The following CIT variants were observed in gnomAD, a reference collection of about 807,000 sequenced individuals.
CIT encodes citron Rho-interacting kinase.
Under a neutral mutation model 272.7 loss-of-function variants are expected in CIT, and 79 were observed. The ratio of observed to expected loss-of-function variants is 0.29; its 90% CI spans 0.24 to 0.35. CIT has a LOEUF of 0.35. Among genes scored for constraint, CIT ranks in the 10% least tolerant of loss-of-function variants. The probability of loss-of-function intolerance (pLI) is 1.00; values close to 1 mark genes in which losing one functional copy is unlikely to be tolerated. For missense variants in CIT, 1,909 were observed against 2,618.3 expected, an observed-to-expected ratio of 0.73 and a Z score of 5.91; for synonymous variants, 948 against 995.6, an observed-to-expected ratio of 0.95 and a Z score of 0.90.
At chr12:119,865,776 A>G (rs1190346423) in intron 3 of CIT, among the ~76,000 whole-genome samples, 1 of 151,308 alleles carries the variant, frequency 6.6e-6, no homozygotes, top group Non-Finnish European at 1.5e-5. Flanking sequence ...AGGCTGAGGC[A>G]GGAGAATCAC....
intron 10 of CIT, among the ~76,000 whole-genome samples, chr12:119,793,588 T>G (rs1182061111): frequency 6.6e-6 from 1 of 152,254 alleles, no homozygotes; most frequent in Non-Finnish European, 1.5e-5. Context: ...ATGTTCCTTG[T>G]GTATCCTTAA....
chr12:119,692,054 T>C (rs1955981475), intron 46 of CIT, among the ~76,000 whole-genome samples: 2 of 152,212 alleles, frequency 1.3e-5, no homozygotes, highest in South Asian at 2.1e-4. Context: ...GAATGATTTG[T>C]TTTGTGCTAA....
intron 10 of CIT, among the ~76,000 whole-genome samples, chr12:119,796,102 T>C (rs1365512453): frequency 6.6e-6 from 1 of 152,114 alleles, no homozygotes; most frequent in South Asian, 2.1e-4. Flanking sequence ...AGTGATTCAG[T>C]AGGGGATGAG....
intron 29 of CIT, among the ~76,000 whole-genome samples, chr12:119,720,797 G>A (rs1231375634): frequency 6.6e-6 from 1 of 152,078 alleles, no homozygotes; most frequent in African/African-American, 2.4e-5. Context: ...AGTAAAAATA[G>A]CAACAGGTTC....
intron 10 of CIT, among the ~76,000 whole-genome samples, chr12:119,791,690 C>T (rs1345452410): frequency 6.6e-6 from 1 of 152,240 alleles, no homozygotes; most frequent in Non-Finnish European, 1.5e-5. Flanking sequence ...CACAGCAGTG[C>T]TGTCTCTTCG....
intron 28 of CIT, among the ~76,000 whole-genome samples, chr12:119,726,970 C>T (rs1360625002): frequency 1.3e-5 from 2 of 152,174 alleles, no homozygotes; most frequent in African/African-American, 2.4e-5. Flanking sequence ...TGTTCAAAAA[C>T]CTTCATGAAA....
rs75812746 is a variant in CIT at position 119,742,645 on chromosome 12, C to T, written c.2905-181G>A. ...ACACCAGAAATAAGTTACAGGAATA[C>T]ACAATGCTGTGTTAATAACAATTAA... On this transcript the variant is annotated intron_variant, in intron 23 of 47. Transcript: ENST00000392521. 5.3e-3 allele frequency: 2,814 copies of T among 535,476 alleles called. 61 individuals carry two copies. Among genetic ancestry groups the T allele is most frequent in the African/African-American group, 0.047 (2,441 of 52,196 alleles). 33.2% of individuals were successfully genotyped at this position (535,476 alleles called of 1,614,324 possible).
intron 24 of CIT, among the ~76,000 whole-genome samples, chr12:119,738,980 T>A (rs1958928280): frequency 6.6e-6 from 1 of 151,930 alleles, no homozygotes; most frequent in Non-Finnish European, 1.5e-5. Context: ...CTATCATGGT[T>A]CTGAGAAGAA....
At chr12:119,818,028 C>G (rs561537032) in intron 9 of CIT, among the ~76,000 whole-genome samples, 3 of 151,998 alleles carry the variant, frequency 2.0e-5, no homozygotes, top group Non-Finnish European at 4.4e-5. Context: ...AATATTATTA[C>G]TAATAACAAT....
At chr12:119,829,423 T>C (rs1272148309) in intron 7 of CIT, among the ~76,000 whole-genome samples, 2 of 133,506 alleles carry the variant, frequency 1.5e-5, no homozygotes, top group Non-Finnish European at 3.2e-5. Flanking sequence ...AATAAAACTA[T>C]TTAAACCTAA....
At chr12:119,733,359 G>A (rs964003909) in intron 26 of CIT, among the ~76,000 whole-genome samples, 5 of 151,690 alleles carry the variant, frequency 3.3e-5, no homozygotes, top group African/African-American at 2.4e-5. Context: ...GTGAAACCCC[G>A]TCTCTACAAA....
intron 24 of CIT, among the ~76,000 whole-genome samples, chr12:119,736,580 A>G (rs17409442): frequency 0.24 from 37,270 of 152,184 alleles, 4,801 homozygotes; most frequent in Middle Eastern, 0.34. Flanking sequence ...ACGATTTTGA[A>G]GTACACTGTC....
chr12:119,742,268 C>T, intron 24 of CIT, 143 bp downstream of exon 24: 2 of 549,462 alleles, frequency 3.6e-6, no homozygotes, highest in South Asian at 8.6e-5. Flanking sequence ...TCAAAAACTC[C>T]AAATAAGGTT....
chr12:119,789,320 T>TAC (rs1965097440), intron 10 of CIT, among the ~76,000 whole-genome samples: 1 of 152,200 alleles, frequency 6.6e-6, no homozygotes, highest in Admixed American at 6.5e-5. Context: ...ATGTAGCATT[T>TAC]TGGCCAGACC....
intron 10 of CIT, among the ~76,000 whole-genome samples, chr12:119,798,406 T>A (rs1965920312): frequency 6.6e-6 from 1 of 152,176 alleles, no homozygotes; most frequent in African/African-American, 2.4e-5. Context: ...AGTTGTTTGA[T>A]CTCCCCACGC....
Position 119,730,606 on chromosome 12 carries a change from G to C in CIT, c.3375C>G (p.Thr1125=). 1 of 1,614,014 alleles carries C rather than the reference G, an allele frequency of 6.2e-7. No homozygotes were observed. Among genetic ancestry groups the C allele is most frequent in the African/African-American group, 1.3e-5 (1 of 75,030 alleles). Residue 1125 remains threonine (T), a synonymous_variant, in exon 27 of 48, where the codon ACC becomes ACG. Transcript: ENST00000392521. The stretch of plus-strand genomic sequence containing the variant: ...CCAGCTCCACCACCTGGCGAGACTC[G>C]GTGATCCGCTGATCGGCTCTCGCCC... ...QSRARADQRI[T]ESRQVVELAV...
intron 24 of CIT, among the ~76,000 whole-genome samples, chr12:119,739,747 T>A (rs2137297739): frequency 6.6e-6 from 1 of 152,310 alleles, no homozygotes; most frequent in East Asian, 1.9e-4. Context: ...TCTCATTTAA[T>A]TCTCGCAGCA....
chr12:119,725,430 A>T (rs1481471410), intron 28 of CIT, among the ~76,000 whole-genome samples: 1 of 152,142 alleles, frequency 6.6e-6, no homozygotes, highest in Non-Finnish European at 1.5e-5. Flanking sequence ...TGTCTCAAAA[A>T]ATAAAAATAA....
chr12:119,821,611 TA>T (rs997151582), intron 9 of CIT, among the ~76,000 whole-genome samples: 17 of 151,882 alleles, frequency 1.1e-4, no homozygotes, highest in African/African-American at 2.7e-4. Flanking sequence ...GGTTCATGAA[TA>T]AAAAAAATTA....
Sources: gnomAD v4.1 joint callset for allele counts (sites outside exome capture counted in the v4.1 genomes callset) on GRCh38, gnomAD v4.1.1 for gene constraint, MANE v1.5 for transcripts, NCBI Gene and HGNC (gene_info 2026-07-23, HGNC 2026-07-21) for gene names.